NKAIN3: variants seen among roughly 807,000 people sequenced by gnomAD.
NKAIN3 encodes sodium/potassium transporting ATPase interacting 3, also known as sodium/potassium-transporting ATPase subunit beta-1-interacting protein 3.
Under a neutral mutation model 30.2 loss-of-function variants are expected in NKAIN3, and 25 were observed. The ratio of observed to expected loss-of-function variants is 0.83; its 90% CI spans 0.60 to 1.16. The LOEUF (loss-of-function observed/expected upper bound fraction) is 1.16. Among genes scored for constraint, NKAIN3 ranks in the 50% most tolerant of loss-of-function variants. The pLI is 0.00. For missense variants in NKAIN3, 225 were observed against 254.1 expected (o/e 0.89, Z 0.78); for synonymous variants, 91 against 89.6 (o/e 1.02, Z -0.09).
intron 5 of NKAIN3, chr8:62,990,252 C>T: frequency 6.5e-7 from 1 of 1,529,116 alleles, no homozygotes; most frequent in Admixed American, 2.0e-5. Context: ...AAGATATTAT[C>T]ACCAAATTGT....
chr8:62,769,036 CAATTGGCACTCTTGAAAATA>C (rs1177562606), intron 4 of NKAIN3, among the ~76,000 whole-genome samples: 1 of 152,130 alleles, frequency 6.6e-6, no homozygotes, highest in Non-Finnish European at 1.5e-5. Flanking sequence ...TTATTTCAGG[CAATTGGCACTCTTGAAAATA>C]AAAACCCATC....
intron 4 of NKAIN3, among the ~76,000 whole-genome samples, chr8:62,808,597 G>A (rs1333100239): frequency 1.3e-5 from 2 of 152,070 alleles, no homozygotes; most frequent in African/African-American, 4.8e-5. Context: ...GACATCACAT[G>A]TCAGCAGGTT....
chr8:62,919,913 T>C (rs1056051214), intron 5 of NKAIN3, among the ~76,000 whole-genome samples: 3 of 152,158 alleles, frequency 2.0e-5, no homozygotes, highest in African/African-American at 7.2e-5. Context: ...AGAGTTTTTT[T>C]TTTTTTTTAA....
At chr8:62,705,179 T>C (rs1360874712) in intron 3 of NKAIN3, among the ~76,000 whole-genome samples, 1 of 152,222 alleles carries the variant, frequency 6.6e-6, no homozygotes, top group African/African-American at 2.4e-5. Context: ...TTGATATGGA[T>C]ATGAATGTTC....
chr8:62,424,294 A>G (rs938776788), intron 1 of NKAIN3, among the ~76,000 whole-genome samples: 1 of 152,016 alleles, frequency 6.6e-6, no homozygotes, highest in Non-Finnish European at 1.5e-5. Flanking sequence ...CACAGGCAAG[A>G]AAAGCAAATA....
intron 6 of NKAIN3, among the ~76,000 whole-genome samples, chr8:62,954,920 G>T (rs1823380736): frequency 6.6e-6 from 1 of 152,158 alleles, no homozygotes; most frequent in African/African-American, 2.4e-5. Flanking sequence ...TGATGGACTT[G>T]CTCAGATGAT....
intron 1 of NKAIN3, among the ~76,000 whole-genome samples, chr8:62,265,180 C>G (rs1302311036): frequency 6.6e-6 from 1 of 152,204 alleles, no homozygotes; most frequent in African/African-American, 2.4e-5. Flanking sequence ...TTATTTAAAA[C>G]TGCTACCTCG....
At chr8:62,690,519 G>A (rs148531575) in intron 3 of NKAIN3, among the ~76,000 whole-genome samples, 2 of 152,164 alleles carry the variant, frequency 1.3e-5, no homozygotes, top group Admixed American at 6.5e-5. Context: ...TTCCAAATTC[G>A]TCACTGGAAA....
chr8:62,964,537 AGTGTGTGT>A (rs56313500), intron 6 of NKAIN3, among the ~76,000 whole-genome samples: 15,203 of 133,098 alleles, frequency 0.11, 945 homozygotes, highest in East Asian at 0.22. Flanking sequence ...AGAGAGAGAG[AGTGTGTGT>A]GTGTGTGTGT....
chr8:62,700,374 G>A (rs894118347), intron 3 of NKAIN3, among the ~76,000 whole-genome samples: 1 of 152,130 alleles, frequency 6.6e-6, no homozygotes, highest in African/African-American at 2.4e-5. Flanking sequence ...TGGTGCTTTC[G>A]GTCAGGTTGT....
chr8:62,721,797 T>G (rs1474329388), intron 3 of NKAIN3, among the ~76,000 whole-genome samples: 1 of 152,214 alleles, frequency 6.6e-6, no homozygotes, highest in Admixed American at 6.5e-5. Flanking sequence ...GTGTGTTATT[T>G]AAAGGTGAAA....
intron 4 of NKAIN3, among the ~76,000 whole-genome samples, chr8:62,867,010 G>A (rs1311559814): frequency 6.7e-6 from 1 of 150,040 alleles, no homozygotes; most frequent in East Asian, 2.0e-4. Context: ...AGCCGAGATT[G>A]CGCCACTGCA....
chr8:62,316,226 G>C (rs1226421395), intron 1 of NKAIN3, among the ~76,000 whole-genome samples: 2 of 152,050 alleles, frequency 1.3e-5, no homozygotes, highest in African/African-American at 4.8e-5. Flanking sequence ...GTCTTTATTG[G>C]CAGCATGAAA....
chr8:62,958,049 GA>G (rs941843086), intron 6 of NKAIN3, among the ~76,000 whole-genome samples: 3 of 151,948 alleles, frequency 2.0e-5, no homozygotes, highest in Non-Finnish European at 2.9e-5. Flanking sequence ...TCTTTAAGGG[GA>G]AAAAAAAGCA....
At chr8:62,603,538 GA>G (rs1414499640) in intron 3 of NKAIN3, among the ~76,000 whole-genome samples, 2 of 151,562 alleles carry the variant, frequency 1.3e-5, no homozygotes, top group South Asian at 4.2e-4. Flanking sequence ...ACAGTTGAAG[GA>G]AAAAAAACAC....
intron 5 of NKAIN3, among the ~76,000 whole-genome samples, chr8:62,921,757 A>T (rs1028360229): frequency 2.0e-5 from 3 of 152,176 alleles, no homozygotes; most frequent in Non-Finnish European, 2.9e-5. Flanking sequence ...TGAGACTAGA[A>T]TCTCTGGAAT....
At chr8:62,356,230 A>G (rs1306853361) in intron 1 of NKAIN3, among the ~76,000 whole-genome samples, 1 of 152,210 alleles carries the variant, frequency 6.6e-6, no homozygotes, top group Non-Finnish European at 1.5e-5. Context: ...CCTTTTTACT[A>G]AGAGATGATC....
At position 62,309,883 on chromosome 8, in the gene NKAIN3, T is replaced by A. The variant is rs139588155; in HGVS notation, c.54+60756T>A. Among the ~76,000 whole-genome samples the A allele has an allele frequency of 4.9e-4, 74 of 150,504 alleles. 3 individuals carry two copies. Among genetic ancestry groups the A allele is most frequent in the African/African-American group, 1.8e-3 (73 of 39,890 alleles). The stretch of plus-strand genomic sequence containing the variant: ...TGTAAGCAACATACCCTGAAATAGA[T>A]GAGATGGAATATCCCTGAAACTCAT... On this transcript the variant is annotated intron_variant, in intron 1 of 6. Coordinates refer to ENST00000623646, the MANE Select transcript of NKAIN3 (RefSeq NM_001304533.3).
intron 3 of NKAIN3, among the ~76,000 whole-genome samples, chr8:62,639,039 T>C (rs1443387419): frequency 6.6e-6 from 1 of 152,102 alleles, no homozygotes; most frequent in Non-Finnish European, 1.5e-5. Context: ...TTCTTACATC[T>C]CAAAATTAGA....
Sources: allele counts gnomAD v4.1 joint callset (sites outside exome capture counted in the v4.1 genomes callset), GRCh38; gene constraint gnomAD v4.1.1; transcripts MANE v1.5; gene names NCBI Gene and HGNC (gene_info 2026-07-23, HGNC 2026-07-21).